Variants in RHPN2 observed in about 807,000 individuals in gnomAD.
The protein encoded by RHPN2 is rhophilin Rho GTPase binding protein 2.
Under a neutral mutation model 79.0 loss-of-function variants are expected in RHPN2, and 40 were observed. The ratio of observed to expected loss-of-function variants is 0.51; its 90% CI spans 0.39 to 0.66. The LOEUF is 0.66. RHPN2 is among the 30% of genes least tolerant of loss of function. RHPN2 has a pLI of 0.00. For synonymous variants in RHPN2, 285 were observed against 363.5 expected (o/e 0.78, Z 2.46); for missense variants, 686 against 883.5 (o/e 0.78, Z 2.83).
chr19:33,036,003 G>GCTACT (rs1328675000), intron 2 of RHPN2, among the ~76,000 whole-genome samples: 1 of 151,740 alleles, frequency 6.6e-6, no homozygotes, highest in Non-Finnish European at 1.5e-5. Context: ...TGTAGTCCCA[G>GCTACT]CTACTCGGCA....
intron 1 of RHPN2, among the ~76,000 whole-genome samples, chr19:33,049,494 C>T (rs1045433267): frequency 1.3e-5 from 2 of 152,200 alleles, no homozygotes; most frequent in African/African-American, 4.8e-5. Context: ...GGGGCTAAAC[C>T]TCTCACACCT....
In RHPN2 at chr19:32,978,834, G is replaced by C. The variant is rs1971551436; in HGVS notation, c.*1162C>G. 2 of 152,540 alleles carry C rather than the reference G, an allele frequency of 1.3e-5. No homozygotes were observed. Among genetic ancestry groups the C allele is most frequent in the African/African-American group, 4.8e-5 (2 of 41,442 alleles). The allele number at this position is 152,540 out of a possible 1,614,324, so 9.4% of individuals were successfully genotyped here. A position where few individuals can be genotyped will look rare whatever the true frequency, so the allele number is the denominator to read the frequency against. On this transcript the variant is annotated 3_prime_UTR_variant, in exon 15 of 15. Transcript: ENST00000254260. ...CTTATAGCAAGATAAAAATCAATCA[G>C]TAGGAATGTCATTTTAAAAAGTAAA...
intron 7 of RHPN2, among the ~76,000 whole-genome samples, chr19:33,006,205 ATTC>A (rs1026716490): frequency 6.8e-6 from 1 of 147,718 alleles, no homozygotes; most frequent in Non-Finnish European, 1.5e-5. Flanking sequence ...AAAAAAAAAA[ATTC>A]TTTTTAGGGA....
rs764623866 is a variant in RHPN2, at chr19:33,021,654, G to A, written c.315-8C>T. On this transcript the variant is annotated splice_polypyrimidine_tract_variant and splice_region_variant and intron_variant, in intron 3 of 14. Transcript: ENST00000254260. Reference sequence around the variant, plus strand: ...GGAATCGTAAATGCCTCCCTATGAGGAACACAACAAGGTATGTATGAACAC... The same window carrying A: ...GGAATCGTAAATGCCTCCCTATGAGAAACACAACAAGGTATGTATGAACAC... 93 of 1,611,860 alleles carry A rather than the reference G, an allele frequency of 5.8e-5. No homozygotes were observed. The highest frequency in any genetic ancestry group is 7.5e-5 in the Non-Finnish European group (88 of 1,178,154).
intron 2 of RHPN2, among the ~76,000 whole-genome samples, chr19:33,041,795 T>A (rs1260396018): frequency 6.6e-6 from 1 of 152,120 alleles, no homozygotes; most frequent in Non-Finnish European, 1.5e-5. Flanking sequence ...TGTTTACTTG[T>A]CTATAAAAGT....
intron 1 of RHPN2, among the ~76,000 whole-genome samples, chr19:33,054,385 G>A (rs12610674): frequency 0.14 from 20,538 of 151,144 alleles, 1,715 homozygotes; most frequent in Admixed American, 0.28. Context: ...TTTTTAGTAG[G>A]AACAGGGTTT....
chr19:33,000,192 T>G (rs1449016945), intron 9 of RHPN2, among the ~76,000 whole-genome samples: 1 of 150,746 alleles, frequency 6.6e-6, no homozygotes, highest in Non-Finnish European at 1.5e-5. Flanking sequence ...TCTTGCTCAC[T>G]GGGACCAGTC....
chr19:33,051,295 G>C (rs940416699), intron 1 of RHPN2, among the ~76,000 whole-genome samples: 3 of 152,156 alleles, frequency 2.0e-5, no homozygotes, highest in African/African-American at 7.2e-5. Context: ...CTGGCCTAGA[G>C]TGAAAACTCT....
intron 7 of RHPN2, among the ~76,000 whole-genome samples, chr19:33,006,769 A>G (rs1208794321): frequency 2.0e-5 from 3 of 152,232 alleles, no homozygotes; most frequent in African/African-American, 7.2e-5. Flanking sequence ...TATAGGTGTA[A>G]GCACTAGGCT....
intron 2 of RHPN2, among the ~76,000 whole-genome samples, chr19:33,034,662 T>C (rs1972042069): frequency 6.8e-6 from 1 of 146,808 alleles, no homozygotes; most frequent in South Asian, 2.2e-4. Flanking sequence ...ACCCCTGTAG[T>C]CCCAGCTACT....
At chr19:33,040,913 C>T (rs536498882) in intron 2 of RHPN2, among the ~76,000 whole-genome samples, 20 of 151,958 alleles carry the variant, frequency 1.3e-4, no homozygotes, top group Non-Finnish European at 2.6e-4. Context: ...GCTGGTATCT[C>T]GACACTGCAC....
chr19:32,997,984 C>T (rs890805850), intron 10 of RHPN2, among the ~76,000 whole-genome samples: 5 of 152,246 alleles, frequency 3.3e-5, no homozygotes, highest in South Asian at 2.1e-4. Flanking sequence ...TCATGGCGGA[C>T]CTCACGCGTG....
chr19:33,050,839 C>T (rs544756577), intron 1 of RHPN2, among the ~76,000 whole-genome samples: 8 of 152,114 alleles, frequency 5.3e-5, no homozygotes, highest in East Asian at 1.9e-4. Flanking sequence ...CCACCACACC[C>T]GGCTAATTTG....
At position 32,983,094 on chromosome 19, in the gene RHPN2, A is replaced by ACACACACACACT. The variant is rs1164579516; in HGVS notation, c.1801-2839_1801-2838insAGTGTGTGTGTG. On this transcript the variant is annotated intron_variant, in intron 14 of 14. Coordinates refer to ENST00000254260, the MANE Select transcript of RHPN2 (RefSeq NM_033103.5). ...CACACACACACACACACACACACACACTCCTGCAATGCGTACCATCACATT... is the reference window on the plus strand; with the variant it reads ...CACACACACACACACACACACACACACACACACACACTCTCCTGCAATGCGTACCATCACATT... Among the ~76,000 whole-genome samples the ACACACACACACT allele has an allele frequency of 1.7e-4, 23 of 132,740 alleles. 2 individuals are homozygous for ACACACACACACT. The highest frequency in any genetic ancestry group is 1.4e-3 in the Admixed American group (18 of 12,790). 87.1% of individuals were successfully genotyped at this position (132,740 alleles called of 152,430 possible).
At chr19:33,055,279 G>A (rs1035079176) in intron 1 of RHPN2, among the ~76,000 whole-genome samples, 1 of 152,006 alleles carries the variant, frequency 6.6e-6, no homozygotes, top group South Asian at 2.1e-4. Flanking sequence ...AGGATCACTT[G>A]AGCCCAGGAG....
intron 6 of RHPN2, among the ~76,000 whole-genome samples, chr19:33,008,887 T>C (rs750998194): frequency 6.6e-6 from 1 of 152,112 alleles, no homozygotes; most frequent in Non-Finnish European, 1.5e-5. Flanking sequence ...ACGGGGTAAC[T>C]GGATAAACAC....
chr19:32,991,843 C>T lies in RHPN2; in HGVS notation c.1624G>A (p.Asp542Asn), dbSNP rs750332302. 1 of 1,613,932 alleles carries T rather than the reference C, an allele frequency of 6.2e-7. No homozygotes were observed. Among genetic ancestry groups the T allele is most frequent in the Non-Finnish European group, 8.5e-7 (1 of 1,179,854 alleles). ...GNAPVQVHFL[D>N]PYCSASVAGA... Reference sequence around the variant, plus strand: ...CTTACCGAGGCAGAGCAGTAAGGATCCAGGAAGTGAACCTGAACGGGGGCG... The same window carrying T: ...CTTACCGAGGCAGAGCAGTAAGGATTCAGGAAGTGAACCTGAACGGGGGCG... The change falls in exon 13 of 15, where the codon GAT becomes AAT. Residue 542 changes from aspartate to asparagine, a missense_variant. Asp to Asn is a conservative substitution (Grantham distance 23). Transcript: ENST00000254260.
chr19:33,063,920 C>A (rs1339258565), intron 1 of RHPN2, among the ~76,000 whole-genome samples: 1 of 152,122 alleles, frequency 6.6e-6, no homozygotes, highest in Non-Finnish European at 1.5e-5. Context: ...GCCTCACCTG[C>A]GGTGCTCACG....
At chr19:33,006,701 G>GC (rs1473101612) in intron 7 of RHPN2, among the ~76,000 whole-genome samples, 1 of 152,214 alleles carries the variant, frequency 6.6e-6, no homozygotes, top group East Asian at 1.9e-4. Context: ...GAACCCGCAG[G>GC]CACAGGTGAG....
Sources: gnomAD v4.1 joint callset for allele counts (sites outside exome capture counted in the v4.1 genomes callset) on GRCh38, gnomAD v4.1.1 for gene constraint, MANE v1.5 for transcripts, NCBI Gene and HGNC (gene_info 2026-07-23, HGNC 2026-07-21) for gene names.